IL6R: variants seen among roughly 807,000 people sequenced by gnomAD.
The protein encoded by IL6R is interleukin 6 receptor.
In IL6R, 38 loss-of-function variants were observed where a neutral mutation model predicts 48.3. The observed-to-expected ratio is 0.79, with a 90% CI of 0.61 to 1.03. The LOEUF is 1.03. IL6R is among the 50% of genes least tolerant of loss of function. The pLI is 0.00. For missense variants in IL6R, 534 were observed against 618.3 expected (o/e 0.86, Z 1.45); for synonymous variants, 264 against 256.2 (o/e 1.03, Z -0.29).
intron 1 of IL6R, among the ~76,000 whole-genome samples, chr1:154,417,491 C>T (rs758397144): frequency 1.2e-4 from 19 of 152,250 alleles, no homozygotes; most frequent in Admixed American, 3.3e-4. Flanking sequence ...CTTCTAAGGC[C>T]CTGCTGCGTC....
intron 9 of IL6R, 78 bp from the exon 10 acceptor site, chr1:154,465,056 G>A: frequency 6.4e-7 from 1 of 1,574,766 alleles, no homozygotes; most frequent in Non-Finnish European, 8.7e-7. Context: ...GCAGCCAGCT[G>A]TTGGTGTTTT....
chr1:154,444,689 G>A (rs1041780144), intron 6 of IL6R, among the ~76,000 whole-genome samples: 9 of 152,128 alleles, frequency 5.9e-5, no homozygotes, highest in Non-Finnish European at 1.0e-4. Flanking sequence ...CCTGAGCCCA[G>A]GAGATAGAGA....
At chr1:154,440,337 G>C (rs972879972) in intron 6 of IL6R, among the ~76,000 whole-genome samples, 5 of 152,160 alleles carry the variant, frequency 3.3e-5, no homozygotes, top group Admixed American at 6.5e-5. Context: ...TCCCCATTTT[G>C]GTTGTGCATA....
chr1:154,451,465 C>T (rs1402166384), intron 8 of IL6R, among the ~76,000 whole-genome samples: 1 of 152,004 alleles, frequency 6.6e-6, no homozygotes, highest in Admixed American at 6.6e-5. Flanking sequence ...TTGCAGTGAG[C>T]TGAGATCGAG....
intron 9 of IL6R, among the ~76,000 whole-genome samples, chr1:154,459,660 T>C (rs1231418943): frequency 1.3e-5 from 2 of 152,236 alleles, no homozygotes; most frequent in Non-Finnish European, 2.9e-5. Context: ...TTTTTCTGAA[T>C]CATAGATGAT....
intron 1 of IL6R, among the ~76,000 whole-genome samples, chr1:154,424,169 C>T (rs1228143927): frequency 1.3e-5 from 2 of 152,210 alleles, no homozygotes; most frequent in African/African-American, 2.4e-5. Flanking sequence ...ACCTGCAAAC[C>T]GTGCGCCTGG....
chr1:154,430,424 G>T, intron 2 of IL6R, 59 bp from the exon 3 acceptor site: 1 of 1,594,442 alleles, frequency 6.3e-7, no homozygotes, highest in South Asian at 1.1e-5. Context: ...CTGTCTGCGA[G>T]GTCAGTGCGC....
intron 9 of IL6R, among the ~76,000 whole-genome samples, chr1:154,457,789 A>G (rs907696759): frequency 6.6e-6 from 1 of 152,072 alleles, no homozygotes; most frequent in Admixed American, 6.6e-5. Flanking sequence ...TGGAGGAGAC[A>G]TTGCACTCTG....
chr1:154,465,519 G>T lies in IL6R; in HGVS notation c.*139G>T. The T allele has an allele frequency of 1.0e-6, 1 of 952,792 alleles. No individual in the cohort carries two copies. Among genetic ancestry groups the T allele is most frequent in the Admixed American group, 2.5e-5 (1 of 39,974 alleles). 59.0% of individuals were successfully genotyped at this position (952,792 alleles called of 1,614,324 possible). ...GCTTCACGGAAGAGCCTTGCGGAAGGTTCTACGCCAGGGGAAAATCAGCCT... is the reference window on the plus strand; with the variant it reads ...GCTTCACGGAAGAGCCTTGCGGAAGTTTCTACGCCAGGGGAAAATCAGCCT... On this transcript the variant is annotated 3_prime_UTR_variant, in exon 10 of 10. Coordinates refer to ENST00000368485, the MANE Select transcript of IL6R (RefSeq NM_000565.4).
At chr1:154,435,942 C>G (rs757964783) in intron 5 of IL6R, 27 bp from the exon 6 acceptor site, 2 of 1,579,174 alleles carry the variant, frequency 1.3e-6, no homozygotes, top group Non-Finnish European at 1.7e-6. Flanking sequence ...GGATACCTCC[C>G]CAGAGTCACC....
At chr1:154,437,526 G>A (rs939013736) in intron 6 of IL6R, 5 of 440,806 alleles carry the variant, frequency 1.1e-5, no homozygotes, top group Non-Finnish European at 2.3e-5. Flanking sequence ...CAATCCTCCC[G>A]CCTCAGCCTC....
intron 9 of IL6R, among the ~76,000 whole-genome samples, chr1:154,462,502 T>C (rs1244397751): frequency 1.3e-5 from 2 of 151,892 alleles, no homozygotes; most frequent in Admixed American, 6.6e-5. Context: ...GTCTCCTGAG[T>C]AGCTGGGATT....
intron 7 of IL6R, among the ~76,000 whole-genome samples, chr1:154,449,194 C>G (rs1427090813): frequency 0.056 from 2 of 36 alleles, no homozygotes; most frequent in African/African-American, 0.25. Context: ...CGCGCCCGGC[C>G]TTGTAGGGCT....
At position 154,405,529 on chromosome 1, in the gene IL6R, G is replaced by GAC; in HGVS notation, c.-101_-100insAC. On this transcript the variant is annotated 5_prime_UTR_variant, in exon 1 of 10. Transcript: ENST00000368485. The surrounding 1 kb of genome is among the most constrained non-coding windows in gnomAD (Gnocchi z 5.2). ...CTGCCCCCGGGGCCTGAGCCCGCCT[G>GAC]CCCGCCCACCGCCCCGCCCCGCCCC... The GAC allele has an allele frequency of 1.0e-5, 4 of 388,508 alleles. No homozygotes were observed. The highest frequency in any genetic ancestry group is 1.9e-5 in the Non-Finnish European group (4 of 214,592). 24.1% of individuals were successfully genotyped at this position (388,508 alleles called of 1,614,324 possible). A position where few individuals can be genotyped will look rare whatever the true frequency, so the allele number is the denominator to read the frequency against.
At chr1:154,442,804 A>G (rs1259006369) in intron 6 of IL6R, among the ~76,000 whole-genome samples, 4 of 147,194 alleles carry the variant, frequency 2.7e-5, no homozygotes, top group Non-Finnish European at 4.5e-5. Flanking sequence ...TTTTTTTTTC[A>G]GAGATGGTAT....
At chr1:154,433,204 A>G (rs1689404938) in intron 3 of IL6R, among the ~76,000 whole-genome samples, 1 of 152,232 alleles carries the variant, frequency 6.6e-6, no homozygotes, top group African/African-American at 2.4e-5. Flanking sequence ...GGTTTGTCCC[A>G]TGTGCTGGAT....
At chr1:154,437,582 A>T (rs527635875) in intron 6 of IL6R, 2 of 375,976 alleles carry the variant, frequency 5.3e-6, no homozygotes, top group East Asian at 7.7e-5. Context: ...CTAATTTTTT[A>T]AAAATGTTTT....
chr1:154,426,268 T>C (rs2149230162), intron 1 of IL6R, among the ~76,000 whole-genome samples: 1 of 152,034 alleles, frequency 6.6e-6, no homozygotes, highest in East Asian at 1.9e-4. Flanking sequence ...CCCAGCACTT[T>C]GGGAGGCCGA....
intron 1 of IL6R, among the ~76,000 whole-genome samples, chr1:154,417,888 C>T (rs553495419): frequency 2.1e-4 from 32 of 152,240 alleles, no homozygotes; most frequent in African/African-American, 7.7e-4. Context: ...GCACCCGCCA[C>T]CATACCCGGC....
Sources: allele counts gnomAD v4.1 joint callset (sites outside exome capture counted in the v4.1 genomes callset), GRCh38; gene constraint gnomAD v4.1.1; non-coding constraint Gnocchi (gnomAD v3.1); transcripts MANE v1.5; gene names NCBI Gene and HGNC (gene_info 2026-07-23, HGNC 2026-07-21).